Variants in PCM1 observed in about 807,000 individuals in gnomAD.
PCM1 encodes the protein pericentriolar material 1.
In PCM1, 157 loss-of-function variants were observed where a neutral mutation model predicts 241.9. That is an observed-to-expected ratio of 0.65 (90% confidence interval 0.57 to 0.74). The LOEUF is 0.74. Among genes scored for constraint, PCM1 ranks in the 30% least tolerant of loss-of-function variants. PCM1 has a pLI of 0.00. For missense variants in PCM1, 3,478 were observed against 2,360.1 expected (o/e 1.47, Z -9.81); for synonymous variants, 1,085 against 784.9 (o/e 1.38, Z -6.39).
At chr8:17,968,178 A>G (rs972508648) in intron 21 of PCM1, among the ~76,000 whole-genome samples, 2 of 152,214 alleles carry the variant, frequency 1.3e-5, no homozygotes, top group Admixed American at 6.5e-5. Context: ...GAAATAGTAC[A>G]TCACTCAGGG....
intron 28 of PCM1, among the ~76,000 whole-genome samples, chr8:17,992,763 T>A (rs553389593): frequency 6.6e-6 from 1 of 151,932 alleles, no homozygotes; most frequent in South Asian, 2.1e-4. Flanking sequence ...ATTGTAGGCA[T>A]GTGCCACCAT....
chr8:17,941,150 G>C (rs151082870), intron 6 of PCM1, among the ~76,000 whole-genome samples: 85 of 152,286 alleles, frequency 5.6e-4, no homozygotes, highest in African/African-American at 1.9e-3. Context: ...GGATTTTACT[G>C]TGGGGAAATT....
chr8:18,015,432 C>CTGTT (rs1463246514), intron 36 of PCM1, among the ~76,000 whole-genome samples: 1 of 152,154 alleles, frequency 6.6e-6, no homozygotes, highest in East Asian at 1.9e-4. Context: ...ATAAATGCTT[C>CTGTT]TGTTAGAACC....
At chr8:18,012,351 A>T (rs368550720) in intron 34 of PCM1, among the ~76,000 whole-genome samples, 1 of 152,174 alleles carries the variant, frequency 6.6e-6, no homozygotes, top group African/African-American at 2.4e-5. Flanking sequence ...ACAGTGTTCA[A>T]ACAACCCTTA....
At chr8:17,949,936 G>T (rs1185394413) in intron 7 of PCM1, among the ~76,000 whole-genome samples, 2 of 152,074 alleles carry the variant, frequency 1.3e-5, no homozygotes, top group South Asian at 4.1e-4. Flanking sequence ...AAATTAAGAA[G>T]ATAAAAACCA....
intron 2 of PCM1, among the ~76,000 whole-genome samples, chr8:17,930,873 C>CT (rs1398661779): frequency 6.7e-6 from 1 of 149,938 alleles, no homozygotes; most frequent in African/African-American, 2.5e-5. Flanking sequence ...GAGCAAGACT[C>CT]TGTCTCCAAA....
intron 1 of PCM1, among the ~76,000 whole-genome samples, chr8:17,923,569 G>T (rs1469275944): frequency 1.3e-5 from 2 of 152,100 alleles, no homozygotes; most frequent in Non-Finnish European, 2.9e-5. Flanking sequence ...GCACTGGGTC[G>T]AGTTCTTAGA....
In PCM1 at chr8:17,955,651, C is replaced by G. The variant is rs764907872; in HGVS notation, c.1470C>G (p.Leu490=). ...GCCACCTCAATCCATCTGAAAAACT[C>G]CAGTAAAACATTTATAATCATTGTT... is the stretch of plus-strand genomic sequence containing the variant. ...NEGHLNPSEK[L]QKLNEVRKRL... is the part of the protein sequence containing the mutation. Residue 490 remains leucine, a splice_region_variant and synonymous_variant, in exon 10 of 39, where the codon CTC becomes CTG. Transcript: ENST00000325083. 6.2e-7 allele frequency: 1 copy of G among 1,606,092 alleles called. No individual in the cohort carries two copies. Among genetic ancestry groups the G allele is most frequent in the South Asian group, 1.1e-5 (1 of 90,916 alleles).
At chr8:17,991,893 C>G (rs1339838598) in intron 28 of PCM1, among the ~76,000 whole-genome samples, 193 bp downstream of exon 28, 2 of 152,096 alleles carry the variant, frequency 1.3e-5, no homozygotes, top group African/African-American at 4.8e-5. Context: ...TCCACTGTAT[C>G]CTGCTTATGT....
At chr8:18,024,827 A>G (rs1047989320) in intron 36 of PCM1, 11 of 152,458 alleles carry the variant, frequency 7.2e-5, no homozygotes, top group African/African-American at 2.6e-4. Context: ...TAAGATTTCT[A>G]CTTGGATAAT....
At chr8:17,978,854 A>C (rs758493807) in intron 23 of PCM1, among the ~76,000 whole-genome samples, 4 of 152,242 alleles carry the variant, frequency 2.6e-5, no homozygotes, top group African/African-American at 9.6e-5. Flanking sequence ...TAGACTATCA[A>C]CACTAGAGTT....
intron 18 of PCM1, 107 bp from the exon 19 acceptor site, chr8:17,965,892 T>A: frequency 1.4e-6 from 1 of 699,308 alleles, no homozygotes; most frequent in South Asian, 2.2e-5. Flanking sequence ...GTTCTTTTAA[T>A]TTAAAACAGA....
intron 36 of PCM1, among the ~76,000 whole-genome samples, chr8:18,017,663 G>C (rs773574634): frequency 1.3e-5 from 2 of 152,170 alleles, no homozygotes; most frequent in Non-Finnish European, 1.5e-5. Context: ...AGACCAGCCT[G>C]ACCAGCATGA....
chr8:18,011,377 A>AGGCTCTGTACTATCTT lies in PCM1; in HGVS notation c.5350+12_5350+27dup. ...GTCCAGTGTCTATTAGTAAGTTTAA[A>AGGCTCTGTACTATCTT]GGCTCTGTACTATCTTTATACTTTA... is the stretch of plus-strand genomic sequence containing the variant. On this transcript the variant is annotated intron_variant, in intron 33 of 38. Transcript: ENST00000325083. 6.4e-7 allele frequency: 1 copy of AGGCTCTGTACTATCTT among 1,567,302 alleles called. No individual in the cohort carries two copies. Among genetic ancestry groups the AGGCTCTGTACTATCTT allele is most frequent in the Non-Finnish European group, 8.6e-7 (1 of 1,163,236 alleles).
At chr8:17,947,728 C>G (rs1321293339) in intron 7 of PCM1, among the ~76,000 whole-genome samples, 1 of 152,084 alleles carries the variant, frequency 6.6e-6, no homozygotes, top group East Asian at 1.9e-4. Flanking sequence ...TTGCTTGCCT[C>G]CCAAGAAAGG....
At chr8:17,959,299 TATAAA>T (rs1233448186) in intron 13 of PCM1, among the ~76,000 whole-genome samples, 3 of 143,746 alleles carry the variant, frequency 2.1e-5, no homozygotes, top group South Asian at 2.2e-4. Context: ...ATATGATAAT[TATAAA>T]ATATAAATAA....
At chr8:17,925,345 C>T (rs1257191389) in intron 2 of PCM1, 1 of 152,090 alleles carries the variant, frequency 6.6e-6, no homozygotes, top group Admixed American at 6.5e-5. Context: ...AGAATAAAGT[C>T]AGTGTTGTAG....
chr8:17,990,918 C>T (rs566194746), intron 27 of PCM1, among the ~76,000 whole-genome samples: 1 of 152,228 alleles, frequency 6.6e-6, no homozygotes, highest in African/African-American at 2.4e-5. Context: ...TTTGGGTCTG[C>T]ATTGAGTTCA....
chr8:17,938,570 T>G (rs1483011051), intron 4 of PCM1, among the ~76,000 whole-genome samples, 170 bp from the exon 5 acceptor site: 2 of 152,318 alleles, frequency 1.3e-5, no homozygotes, highest in Non-Finnish European at 2.9e-5. Context: ...ATTTTCATAT[T>G]GTAGTGAAAG....
Sources: gnomAD v4.1 joint callset for allele counts (sites outside exome capture counted in the v4.1 genomes callset) on GRCh38, gnomAD v4.1.1 for gene constraint, MANE v1.5 for transcripts, NCBI Gene and HGNC (gene_info 2026-07-23, HGNC 2026-07-21) for gene names.